Variants in HDAC9 observed in about 807,000 individuals in gnomAD.
The protein encoded by HDAC9 is histone deacetylase 9.
A neutral mutation model predicts 139.4 loss-of-function variants in HDAC9; 41 were observed. The ratio of observed to expected loss-of-function variants is 0.29; its 90% CI spans 0.23 to 0.38. The LOEUF (loss-of-function observed/expected upper bound fraction) is 0.38, where lower values mean the gene tolerates loss of function less well. HDAC9 is among the 10% of genes least tolerant of loss of function. The pLI is 1.00. For missense variants in HDAC9, 1,147 were observed against 1,297.0 expected, an observed-to-expected ratio of 0.88 and a Z score of 1.78; for synonymous variants, 517 against 476.2, an observed-to-expected ratio of 1.09 and a Z score of -1.12.
At chr7:18,252,161 CA>C (rs923888709) in intron 2 of HDAC9, among the ~76,000 whole-genome samples, 27 of 151,674 alleles carry the variant, frequency 1.8e-4, no homozygotes, top group African/African-American at 4.3e-4. Context: ...GAAGTTGGGA[CA>C]AAAAAAATAT....
At chr7:18,114,782 T>G (rs1783854453) in intron 1 of HDAC9, among the ~76,000 whole-genome samples, 1 of 152,204 alleles carries the variant, frequency 6.6e-6, no homozygotes, top group Non-Finnish European at 1.5e-5. Context: ...TGATAATACT[T>G]TTTATATCTG....
At chr7:18,843,133 G>A (rs969175707) in intron 21 of HDAC9, among the ~76,000 whole-genome samples, 2 of 152,044 alleles carry the variant, frequency 1.3e-5, no homozygotes, top group African/African-American at 2.4e-5. Flanking sequence ...TCCAAATAAT[G>A]GGGACTAATT....
At chr7:18,416,697 A>G (rs1003821930) in intron 1 of HDAC9, among the ~76,000 whole-genome samples, 1 of 152,084 alleles carries the variant, frequency 6.6e-6, no homozygotes, top group African/African-American at 2.4e-5. Flanking sequence ...TGTTTATAAT[A>G]TTACCTTATT....
chr7:19,001,149 C>G lies in HDAC9; in HGVS notation c.*5087C>G, dbSNP rs1028772519. The G allele has an allele frequency of 6.6e-6, 1 of 152,074 alleles. No homozygotes were observed. Among genetic ancestry groups the G allele is most frequent in the Admixed American group, 6.5e-5 (1 of 15,268 alleles). The allele number at this position is 152,074 out of a possible 1,614,324, so 9.4% of individuals were successfully genotyped here. ...CTGGCTACTACCTAATCATGTTGTA[C>G]TAGTTATTGTGGAAAGAAAATTGTA... is the stretch of plus-strand genomic sequence containing the variant. On this transcript the variant is annotated 3_prime_UTR_variant, in exon 26 of 26. Coordinates refer to ENST00000686413, the MANE Select transcript of HDAC9 (RefSeq NM_178425.4).
intron 25 of HDAC9, among the ~76,000 whole-genome samples, chr7:18,990,214 A>G (rs1785765439): frequency 6.6e-6 from 1 of 151,968 alleles, no homozygotes; most frequent in Non-Finnish European, 1.5e-5. Flanking sequence ...GATGATGGTG[A>G]TGTACAGATG....
At chr7:18,952,051 A>G (rs954673913) in intron 23 of HDAC9, among the ~76,000 whole-genome samples, 3 of 152,034 alleles carry the variant, frequency 2.0e-5, no homozygotes, top group South Asian at 4.1e-4. Flanking sequence ...GTCTGTATGT[A>G]TACACTCAAA....
chr7:18,228,425 C>T (rs1335567869), intron 2 of HDAC9, among the ~76,000 whole-genome samples: 1 of 151,916 alleles, frequency 6.6e-6, no homozygotes, highest in Non-Finnish European at 1.5e-5. Context: ...CAGTTTTACC[C>T]ATTCAACAAT....
chr7:18,853,483 A>G (rs1259891604), intron 21 of HDAC9, among the ~76,000 whole-genome samples: 2 of 152,170 alleles, frequency 1.3e-5, no homozygotes, highest in Non-Finnish European at 2.9e-5. Flanking sequence ...GTAATTTAGA[A>G]TATTGTTTTG....
chr7:18,213,939 G>A (rs1792119404), intron 2 of HDAC9, among the ~76,000 whole-genome samples: 1 of 151,976 alleles, frequency 6.6e-6, no homozygotes, highest in Non-Finnish European at 1.5e-5. Context: ...TAATCACCCA[G>A]CAGTTGTTTT....
intron 2 of HDAC9, among the ~76,000 whole-genome samples, chr7:18,246,157 G>A (rs1223529591): frequency 1.3e-5 from 2 of 148,172 alleles, no homozygotes; most frequent in Non-Finnish European, 3.0e-5. Context: ...GGAAAAAGAA[G>A]GGTTGAGCAG....
intron 6 of HDAC9, among the ~76,000 whole-genome samples, chr7:18,603,562 G>T (rs1482376511): frequency 2.0e-5 from 3 of 151,940 alleles, no homozygotes; most frequent in Non-Finnish European, 4.4e-5. Context: ...GGTCATACAG[G>T]TACCTTATAA....
chr7:18,588,405 G>C (rs1210882858), intron 3 of HDAC9, among the ~76,000 whole-genome samples: 1 of 151,842 alleles, frequency 6.6e-6, no homozygotes, highest in African/African-American at 2.4e-5. Flanking sequence ...TTACATATCT[G>C]TACATAATGA....
At chr7:18,763,865 CA>C (rs1562924229) in intron 15 of HDAC9, among the ~76,000 whole-genome samples, 1 of 152,020 alleles carries the variant, frequency 6.6e-6, no homozygotes, top group East Asian at 1.9e-4. Flanking sequence ...ATCAACCTTC[CA>C]ACTTTATTGG....
chr7:18,739,204 A>G (rs1787213852), intron 13 of HDAC9, among the ~76,000 whole-genome samples: 1 of 152,188 alleles, frequency 6.6e-6, no homozygotes, highest in Non-Finnish European at 1.5e-5. Flanking sequence ...GATGGGTTCG[A>G]ACAAGCTCCT....
chr7:18,190,038 C>A (rs771318724), intron 2 of HDAC9, among the ~76,000 whole-genome samples: 2 of 151,990 alleles, frequency 1.3e-5, no homozygotes, highest in African/African-American at 2.4e-5. Flanking sequence ...CTCCCGGGTT[C>A]AAGCAATTCT....
intron 21 of HDAC9, among the ~76,000 whole-genome samples, chr7:18,842,481 A>T (rs965091721): frequency 6.6e-6 from 1 of 152,132 alleles, no homozygotes; most frequent in African/African-American, 2.4e-5. Flanking sequence ...ATTTCAATAA[A>T]AAGCAATACA....
In HDAC9 at chr7:18,242,074, A is replaced by G. The variant is rs763668610; in HGVS notation, c.25+79725A>G. Among the ~76,000 whole-genome samples, 72 of 152,240 alleles carry G rather than the reference A, an allele frequency of 4.7e-4. 1 individual carries two copies. Among genetic ancestry groups the G allele is most frequent in the Admixed American group, 3.8e-3 (58 of 15,284 alleles). ...CCTGTGTCAGATTTTCCTGGATCCC[A>G]TGCATTTCCCCAGTCCATGGTAAAG... On this transcript the variant is annotated intron_variant, in intron 2 of 12. Transcript: ENST00000417496.
intron 1 of HDAC9, among the ~76,000 whole-genome samples, chr7:18,345,368 A>C (rs1269225822): frequency 6.6e-6 from 1 of 152,012 alleles, no homozygotes; most frequent in Non-Finnish European, 1.5e-5. Context: ...TTGTTAATCC[A>C]TGCAGATCAT....
chr7:18,368,415 A>G (rs959646677), intron 1 of HDAC9, among the ~76,000 whole-genome samples: 2 of 152,164 alleles, frequency 1.3e-5, no homozygotes, highest in East Asian at 1.9e-4. Context: ...CACTATTGCC[A>G]TATATCAAAT....
Sources: gnomAD v4.1 joint callset for allele counts (sites outside exome capture counted in the v4.1 genomes callset) on GRCh38, gnomAD v4.1.1 for gene constraint, MANE v1.5 for transcripts, NCBI Gene and HGNC (gene_info 2026-07-23, HGNC 2026-07-21) for gene names.